Variants in DDX60 observed in about 807,000 individuals in gnomAD.
The protein encoded by DDX60 is DExD/H-box helicase 60, also known as probable ATP-dependent RNA helicase DDX60.
Under a neutral mutation model 212.8 loss-of-function variants are expected in DDX60, and 165 were observed. The ratio of observed to expected loss-of-function variants is 0.78; its 90% CI spans 0.68 to 0.88. DDX60 has a LOEUF of 0.88. DDX60 is among the 40% of genes least tolerant of loss of function. The probability of loss-of-function intolerance (pLI) is 0.00; values close to 1 mark genes in which losing one functional copy is unlikely to be tolerated. For synonymous variants in DDX60, 703 were observed against 685.3 expected, an observed-to-expected ratio of 1.03 and a Z score of -0.40; for missense variants, 1,905 against 2,003.9, an observed-to-expected ratio of 0.95 and a Z score of 0.94.
At chr4:168,319,173 A>G (rs1056822851), upstream of DDX60, among the ~76,000 whole-genome samples, 4 of 152,186 alleles carry the variant, frequency 2.6e-5, no homozygotes, top group Admixed American at 2.6e-4. Context: ...CCAAAAATAT[A>G]TACAATTATT....
intron 30 of DDX60, among the ~76,000 whole-genome samples, chr4:168,238,257 A>AC (rs1733703322): frequency 6.7e-6 from 1 of 148,538 alleles, no homozygotes; most frequent in African/African-American, 2.4e-5. Context: ...AAAAAAAAAA[A>AC]AACCCAGCAT....
rs1211254532 is a variant in DDX60 at position 168,308,031 on chromosome 4, C to T, written c.239G>A (p.Gly80Glu). ...RYLVDLISKG[G>E]QFTIVFFKDA... ...CTTGAAGAAAACTATGGTGAATTGT[C>T]CTCCTTTGCTAATAAGATCCACAAG... Residue 80 changes from glycine (G) to glutamate (E), a missense_variant, in exon 4 of 38, where the codon GGA becomes GAA. Physicochemically the swap from Gly to Glu is moderately conservative, Grantham distance 98. Transcript: ENST00000393743. The T allele has an allele frequency of 6.2e-7, 1 of 1,600,282 alleles. No individual in the cohort carries two copies. Among genetic ancestry groups the T allele is most frequent in the Non-Finnish European group, 8.5e-7 (1 of 1,177,150 alleles).
At chr4:168,303,956 T>A (rs1339300924) in intron 5 of DDX60, among the ~76,000 whole-genome samples, 1 of 152,100 alleles carries the variant, frequency 6.6e-6, no homozygotes, top group Non-Finnish European at 1.5e-5. Flanking sequence ...CACTCCAGCC[T>A]GGGCAACAGA....
intron 35 of DDX60, 41 bp downstream of exon 35, chr4:168,224,202 T>C: frequency 6.2e-7 from 1 of 1,608,384 alleles, no homozygotes; most frequent in Non-Finnish European, 8.5e-7. Context: ...ATCCATTCTT[T>C]CTTAAACAGC....
At chr4:168,319,187 C>T (rs1482155001), upstream of DDX60, among the ~76,000 whole-genome samples, 4 of 151,268 alleles carry the variant, frequency 2.6e-5, no homozygotes, top group Non-Finnish European at 4.4e-5. Flanking sequence ...AATTATTATG[C>T]GTCAATTAAA....
At chr4:168,236,445 GTCATATTACATTTAATT>G in intron 32 of DDX60, 72 bp from the exon 33 acceptor site, 1 of 1,298,094 alleles carries the variant, frequency 7.7e-7, no homozygotes. Context: ...TAAATGGAAT[GTCATATTACATTTAATT>G]TCATGGAAAC....
rs141811542 is a variant in DDX60 at position 168,276,042 on chromosome 4, C to T, written c.2118G>A (p.Glu706=). The T allele has an allele frequency of 2.2e-4, 348 of 1,611,918 alleles. No homozygotes were observed. The African/African-American group carries it at 3.6e-3, about 17-fold the overall frequency. The change falls in exon 15 of 38, where the codon GAG becomes GAA. Residue 706 remains glutamate (E), a synonymous_variant. Transcript: ENST00000393743. ...GGGCTGGATGTAAAGAACTTGCCAA[C>T]TCATCAAATCCTAAATACTTAAGGC... ...ARCLKYLGFD[E]LASSLHPAQD... is the part of the protein sequence containing the mutation.
chr4:168,293,427 C>G (rs906178212), intron 7 of DDX60, among the ~76,000 whole-genome samples: 1 of 152,144 alleles, frequency 6.6e-6, no homozygotes, highest in Non-Finnish European at 1.5e-5. Flanking sequence ...AATGGGAATA[C>G]TAATGCCTTT....
chr4:168,285,570 T>G (rs535838980), intron 10 of DDX60, 72 bp from the exon 11 acceptor site: 38 of 865,450 alleles, frequency 4.4e-5, no homozygotes, highest in Middle Eastern at 5.4e-4. Flanking sequence ...TACATATTAT[T>G]TTCTAAAACT....
At chr4:168,297,369 A>AGAAGGAAGGAAG (rs1736434746) in intron 6 of DDX60, among the ~76,000 whole-genome samples, 1 of 56,230 alleles carries the variant, frequency 1.8e-5, no homozygotes, top group African/African-American at 1.3e-4. Context: ...AAAGAAAGAA[A>AGAAGGAAGGAAG]GAAAGAAAGA....
intron 30 of DDX60, among the ~76,000 whole-genome samples, chr4:168,239,095 T>C (rs576971508): frequency 1.3e-5 from 2 of 152,192 alleles, no homozygotes; most frequent in East Asian, 1.9e-4. Flanking sequence ...TTAAGAAAAA[T>C]TGATCATCTT....
chr4:168,234,201 C>T (rs1448102218), intron 33 of DDX60, among the ~76,000 whole-genome samples: 1 of 152,042 alleles, frequency 6.6e-6, no homozygotes, highest in Admixed American at 6.6e-5. Flanking sequence ...CTACATTTAT[C>T]CTCCCTGAAG....
chr4:168,312,204 G>C (rs1176820649), intron 1 of DDX60, among the ~76,000 whole-genome samples: 2 of 152,142 alleles, frequency 1.3e-5, no homozygotes, highest in Non-Finnish European at 2.9e-5. Flanking sequence ...TGGATGACTA[G>C]GCCATTCCCT....
chr4:168,283,144 A>G (rs891965142), intron 13 of DDX60, among the ~76,000 whole-genome samples: 4 of 152,178 alleles, frequency 2.6e-5, no homozygotes, highest in African/African-American at 7.2e-5. Context: ...TTTCACTGTC[A>G]TTAATGAACA....
Position 168,276,132 on chromosome 4 carries a change from G to C in DDX60, c.2028C>G (p.Ile676Met), listed in dbSNP as rs767907846. 13 of 1,613,176 alleles carry C rather than the reference G, an allele frequency of 8.1e-6. No homozygotes were observed. The highest frequency in any genetic ancestry group is 1.0e-5 in the Non-Finnish European group (12 of 1,179,480). The stretch of plus-strand genomic sequence containing the variant: ...CTGAGTATTTTTCCATCAAGGAGTG[G>C]ATCCTTTTCATCACCTGAACAGCTA... ...LSIAVQVMKR[I>M]HSLMEKYSEL... The change falls in exon 15 of 38, where the codon ATC (isoleucine) becomes ATG (methionine). Residue 676 changes from isoleucine (I) to methionine (M), a missense_variant. By Grantham distance (10) the Ile-to-Met change is conservative. Coordinates refer to ENST00000393743, the MANE Select transcript of DDX60 (RefSeq NM_017631.6).
At chr4:168,270,031 G>A (rs768810598) in intron 19 of DDX60, among the ~76,000 whole-genome samples, 43 of 152,266 alleles carry the variant, frequency 2.8e-4, no homozygotes, top group Non-Finnish European at 4.6e-4. Context: ...TTGTACCAAC[G>A]TGGGCTGGCA....
intron 29 of DDX60, among the ~76,000 whole-genome samples, chr4:168,247,450 C>T (rs1027223191): frequency 1.3e-5 from 2 of 152,048 alleles, no homozygotes; most frequent in Non-Finnish European, 2.9e-5. Context: ...AGGAACAAGG[C>T]CTATAAGGAG....
At chr4:168,272,888 A>G (rs1735164802) in intron 18 of DDX60, among the ~76,000 whole-genome samples, 1 of 152,238 alleles carries the variant, frequency 6.6e-6, no homozygotes, top group South Asian at 2.1e-4. Context: ...AACACCAGGT[A>G]TACGATCCAT....
intron 3 of DDX60, among the ~76,000 whole-genome samples, chr4:168,310,629 T>TC (rs779082170): frequency 2.6e-5 from 4 of 152,208 alleles, no homozygotes; most frequent in Admixed American, 2.0e-4. Context: ...GGTGCAAACT[T>TC]CTTGGTAGAG....
Sources: allele counts gnomAD v4.1 joint callset (sites outside exome capture counted in the v4.1 genomes callset), GRCh38; gene constraint gnomAD v4.1.1; transcripts MANE v1.5; gene names NCBI Gene and HGNC (gene_info 2026-07-23, HGNC 2026-07-21).